NLRP13: variants seen among roughly 807,000 people sequenced by gnomAD.
NLRP13 encodes the protein NLR family pyrin domain containing 13, also known as NACHT, LRR and PYD domains-containing protein 13.
Under a neutral mutation model 94.4 loss-of-function variants are expected in NLRP13, and 82 were observed. The observed-to-expected ratio is 0.87, with a 90% CI of 0.73 to 1.04. The LOEUF is 1.04. NLRP13 is among the 50% of genes least tolerant of loss of function. The probability of loss-of-function intolerance (pLI) is 0.00; values close to 1 mark genes in which losing one functional copy is unlikely to be tolerated. For synonymous variants in NLRP13, 553 were observed against 464.7 expected (o/e 1.19, Z -2.45); for missense variants, 1,426 against 1,230.8 (o/e 1.16, Z -2.37).
intron 2 of NLRP13, 104 bp downstream of exon 2, chr19:55,924,863 C>T: frequency 9.8e-7 from 1 of 1,025,284 alleles, no homozygotes; most frequent in Non-Finnish European, 1.5e-6. Context: ...ATTTTTTATG[C>T]ACTATAAATT....
chr19:55,923,881 C>G, intron 4 of NLRP13, 33 bp downstream of exon 4: 1 of 1,531,664 alleles, frequency 6.5e-7, no homozygotes, highest in Non-Finnish European at 9.1e-7. Context: ...GTCAAGCAAC[C>G]TGTCCATTAT....
chr19:55,891,960 C>G (rs1043900486), downstream of NLRP13: 1 of 502,680 alleles, frequency 2.0e-6, no homozygotes, highest in African/African-American at 2.0e-5. Flanking sequence ...GGCTTTCCCC[C>G]AAGATCCATG....
downstream of NLRP13, among the ~76,000 whole-genome samples, chr19:55,892,321 T>C (rs1274496560): frequency 6.6e-6 from 1 of 152,094 alleles, no homozygotes; most frequent in Admixed American, 6.6e-5. Flanking sequence ...TCCTTCCTAC[T>C]CTCCTCCTCC....
At chr19:55,892,127 A>C (rs1985867553), downstream of NLRP13, 1 of 1,231,834 alleles carries the variant, frequency 8.1e-7, no homozygotes, top group Non-Finnish European at 1.0e-6. Flanking sequence ...GAAGCCTGCA[A>C]AATAAGAAGT....
intron 1 of NLRP13, among the ~76,000 whole-genome samples, chr19:55,930,080 G>C (rs35081406): frequency 2.0e-5 from 3 of 151,866 alleles, no homozygotes; most frequent in Non-Finnish European, 4.4e-5. Context: ...CACAAAGCCC[G>C]AACTTGTATG....
downstream of NLRP13, among the ~76,000 whole-genome samples, chr19:55,893,445 G>A (rs561965336): frequency 6.6e-6 from 1 of 152,076 alleles, no homozygotes; most frequent in Non-Finnish European, 1.5e-5. Context: ...AAAAGTAATA[G>A]CAAACACAAT....
chr19:55,895,843 CT>C (rs1456713641), downstream of NLRP13: 10 of 1,339,276 alleles, frequency 7.5e-6, no homozygotes, highest in Non-Finnish European at 1.0e-5. Flanking sequence ...CCTGCATGGC[CT>C]GAGGAAGCCG....
intron 3 of NLRP13, among the ~76,000 whole-genome samples, chr19:55,924,334 G>C (rs555564260): frequency 4.6e-5 from 7 of 152,208 alleles, no homozygotes; most frequent in African/African-American, 1.7e-4. Context: ...TGTTGGCAAG[G>C]CTGGTCTCAA....
Position 55,912,193 on chromosome 19 carries a change from A to G in NLRP13, c.1624T>C (p.Phe542Leu). ...AGCACAAAGGACATGGCTGCAAAAA[A>G]CTCCTGGAAACTTAGGTGGGTGAAA... Reference protein sequence around the residue: ...TTFTHLSFQEFFAAMSFVLEE... With the variant: ...TTFTHLSFQELFAAMSFVLEE... The change falls in exon 5 of 11, where the codon TTT becomes CTT. Residue 542 changes from phenylalanine to leucine, a missense_variant. Physicochemically the swap from Phe to Leu is conservative, Grantham distance 22 (BLOSUM62 0). Coordinates refer to ENST00000342929, the MANE Select transcript of NLRP13 (RefSeq NM_176810.2). 1 of 1,613,908 alleles carries G rather than the reference A, an allele frequency of 6.2e-7. No homozygotes were observed. The highest frequency in any genetic ancestry group is 1.3e-5 in the African/African-American group (1 of 74,938).
downstream of NLRP13, among the ~76,000 whole-genome samples, chr19:55,894,042 ACT>A (rs1491465929): frequency 3.6e-3 from 321 of 90,416 alleles, no homozygotes; most frequent in Non-Finnish European, 5.0e-3. Flanking sequence ...CCATGCCCCA[ACT>A]TTTTTTTTTT....
intron 4 of NLRP13, 61 bp downstream of exon 4, chr19:55,923,853 C>G (rs948583495): frequency 8.2e-7 from 1 of 1,213,280 alleles, no homozygotes; most frequent in Admixed American, 1.7e-5. Context: ...TACTATGGAC[C>G]TAGTGAAACC....
chr19:55,901,131 T>G (rs1377382734), intron 9 of NLRP13, among the ~76,000 whole-genome samples: 1 of 152,162 alleles, frequency 6.6e-6, no homozygotes, highest in African/African-American at 2.4e-5. Flanking sequence ...CTGTGTGATG[T>G]TGGAGAGCAA....
At chr19:55,914,734 A>C (rs1568696432) in intron 4 of NLRP13, among the ~76,000 whole-genome samples, 1 of 152,216 alleles carries the variant, frequency 6.6e-6, no homozygotes, top group African/African-American at 2.4e-5. Context: ...AAATGATAGA[A>C]TTTCACAAAT....
chr19:55,920,925 C>T (rs569869569), intron 4 of NLRP13, among the ~76,000 whole-genome samples: 3 of 151,992 alleles, frequency 2.0e-5, no homozygotes, highest in Admixed American at 6.6e-5. Context: ...TATATACACA[C>T]CCAGGAATAC....
intron 4 of NLRP13, among the ~76,000 whole-genome samples, chr19:55,914,798 C>T (rs1197476614): frequency 6.6e-6 from 1 of 152,082 alleles, no homozygotes; most frequent in East Asian, 1.9e-4. Flanking sequence ...CATCTATAGG[C>T]CATATTTTCT....
At chr19:55,903,527 A>G (rs1986248739) in intron 8 of NLRP13, among the ~76,000 whole-genome samples, 1 of 152,124 alleles carries the variant, frequency 6.6e-6, no homozygotes, top group Non-Finnish European at 1.5e-5. Context: ...TCATTCCCAC[A>G]AGGCAATCTT....
intron 4 of NLRP13, among the ~76,000 whole-genome samples, chr19:55,921,204 A>G (rs1986816946): frequency 6.6e-6 from 1 of 152,214 alleles, no homozygotes; most frequent in African/African-American, 2.4e-5. Flanking sequence ...CCAAAAGCTC[A>G]GACTTTACCA....
At chr19:55,898,351 A>C (rs1048498513) in intron 10 of NLRP13, among the ~76,000 whole-genome samples, 6 of 151,978 alleles carry the variant, frequency 3.9e-5, no homozygotes, top group Non-Finnish European at 8.8e-5. Context: ...CTGGGACTAC[A>C]GATGCCCACC....
downstream of NLRP13, chr19:55,892,109 G>T: frequency 8.1e-7 from 1 of 1,232,002 alleles, no homozygotes; most frequent in Non-Finnish European, 1.0e-6. Flanking sequence ...CATTGTGCAG[G>T]TCTTTTTGAA....
Sources: allele counts gnomAD v4.1 joint callset (sites outside exome capture counted in the v4.1 genomes callset), GRCh38; gene constraint gnomAD v4.1.1; transcripts MANE v1.5; gene names NCBI Gene and HGNC (gene_info 2026-07-23, HGNC 2026-07-21).